The following NECTIN2 variants were observed in gnomAD, a reference collection of about 807,000 sequenced individuals.
NECTIN2 encodes nectin cell adhesion molecule 2.
A neutral mutation model predicts 56.9 loss-of-function variants in NECTIN2; 23 were observed. That is an observed-to-expected ratio of 0.40 (90% CI 0.29 to 0.57). The LOEUF (loss-of-function observed/expected upper bound fraction) is 0.57. Among genes scored for constraint, NECTIN2 ranks in the 20% least tolerant of loss-of-function variants. The pLI, the probability that NECTIN2 is intolerant of heterozygous loss-of-function variation, is 0.38. For synonymous variants in NECTIN2, 302 were observed against 313.8 expected (o/e 0.96, Z 0.40); for missense variants, 587 against 718.3 (o/e 0.82, Z 2.09).
chr19:44,884,320 T>C (rs1342403952), intron 6 of NECTIN2, among the ~76,000 whole-genome samples: 1 of 151,942 alleles, frequency 6.6e-6, no homozygotes, highest in Non-Finnish European at 1.5e-5. Flanking sequence ...CACACCTAGC[T>C]AGTTTTTGTA....
chr19:44,851,362 C>G (rs1968897967), intron 1 of NECTIN2, among the ~76,000 whole-genome samples: 1 of 151,712 alleles, frequency 6.6e-6, no homozygotes, highest in South Asian at 2.1e-4. Context: ...CTCTTCCTCC[C>G]TCAAACCTGG....
rs77847865 is a variant in NECTIN2, at chr19:44,860,750, G to A, written c.89-4521G>A. ...CTCCTGGGTTCAAGTGAACACGTCC[G>A]GCTAATTTTTATATTTTTAGTAGAG... On this transcript the variant is annotated intron_variant, in intron 1 of 8. Coordinates refer to ENST00000252483, the MANE Select transcript of NECTIN2 (RefSeq NM_001042724.2). 6.6e-5 allele frequency among the ~76,000 whole-genome samples: 10 copies of A among 151,438 alleles called. No individual in the cohort carries two copies. In the East Asian group the frequency reaches 1.7e-3, roughly 26 times the overall value.
chr19:44,846,970 C>G lies in NECTIN2; in HGVS notation c.88+357C>G, dbSNP rs186016364. Among the ~76,000 whole-genome samples the G allele has an allele frequency of 2.5e-3, 375 of 152,192 alleles. 2 individuals are homozygous for G. The highest frequency in any genetic ancestry group is 3.7e-3 in the South Asian group (18 of 4,818). ...CCCACCCCGCGCCGAGTAGTTCACC[C>G]GGATCTGGGTCTCTGTCTCCTCTAC... On this transcript the variant is annotated intron_variant, in intron 1 of 8. Coordinates refer to ENST00000252483, the MANE Select transcript of NECTIN2 (RefSeq NM_001042724.2).
At chr19:44,878,258 C>T (rs925186171) in intron 5 of NECTIN2, 10 of 937,594 alleles carry the variant, frequency 1.1e-5, no homozygotes, top group Non-Finnish European at 1.5e-5. Flanking sequence ...TGTGGGCCCG[C>T]TGGTGTGGGG....
rs1380002373 is a variant in NECTIN2 at position 44,865,420 on chromosome 19, C to A, written c.238C>A (p.Gln80Lys). The change falls in exon 2 of 9, where the codon CAG (glutamine) becomes AAG (lysine). Residue 80 changes from glutamine to lysine, a missense_variant. Physicochemically the swap from Gln to Lys is moderately conservative, Grantham distance 53. Transcript: ENST00000252483. This position sits in a 1 kb window ranked among gnomAD's most constrained non-coding sequence, Gnocchi z 5.2. Reference protein sequence around the residue: ...WQRPDAPANHQNVAAFHPKMG... With the variant: ...WQRPDAPANHKNVAAFHPKMG... ...GCGCCCAGATGCACCTGCGAACCACCAGAATGTGGCCGCCTTCCACCCTAA... is the reference window on the plus strand; with the variant it reads ...GCGCCCAGATGCACCTGCGAACCACAAGAATGTGGCCGCCTTCCACCCTAA... The A allele has an allele frequency of 6.2e-7, 1 of 1,614,170 alleles. No individual in the cohort carries two copies. The highest frequency in any genetic ancestry group is 8.5e-7 in the Non-Finnish European group (1 of 1,180,038).
At chr19:44,871,832 C>T (rs369096389) in intron 2 of NECTIN2, 21 bp from the exon 3 acceptor site, 1 of 1,605,728 alleles carries the variant, frequency 6.2e-7, no homozygotes, top group South Asian at 1.1e-5. Context: ...AGTGACGCAC[C>T]CCCTCTCCTC....
At chr19:44,850,862 T>A (rs116459166) in intron 1 of NECTIN2, among the ~76,000 whole-genome samples, 4 of 152,062 alleles carry the variant, frequency 2.6e-5, no homozygotes, top group African/African-American at 9.7e-5. Context: ...ACTCAAAGCC[T>A]CTGGCCTTCA....
chr19:44,849,368 G>T (rs534762895), intron 1 of NECTIN2, among the ~76,000 whole-genome samples: 6 of 152,272 alleles, frequency 3.9e-5, no homozygotes, highest in Admixed American at 6.5e-5. Context: ...AAAGACTCCA[G>T]CTGTGGGACA....
Position 44,872,143 on chromosome 19 carries a change from G to C in NECTIN2, c.769G>C (p.Val257Leu). 1 of 1,612,826 alleles carries C rather than the reference G, an allele frequency of 6.2e-7. No homozygotes were observed. Among genetic ancestry groups the C allele is most frequent in the South Asian group, 1.1e-5 (1 of 91,076 alleles). Residue 257 changes from valine (V) to leucine (L), a missense_variant, in exon 3 of 9, where the codon GTA becomes CTA. Val to Leu is a conservative substitution (Grantham distance 32). Transcript: ENST00000252483. ...EPALIPVTLSVRYPPEVSISG... is the reference protein window; with the variant it reads ...EPALIPVTLSLRYPPEVSISG... ...AGCCCTGATACCTGTGACCCTCTCT[G>C]TACGCTGTGAGTGTATCGGGGGTGA...
In NECTIN2 at chr19:44,865,344, C is replaced by T. The variant is rs199565896; in HGVS notation, c.162C>T (p.Cys54=). The change falls in exon 2 of 9, where the codon TGC becomes TGT. Residue 54 remains cysteine, a synonymous_variant. Transcript: ENST00000252483. This position sits in a 1 kb window ranked among gnomAD's most constrained non-coding sequence, Gnocchi z 5.2. Reference sequence around the variant, plus strand: ...TCGGGGGCACCGTGGAGCTGCCGTGCCACCTGCTGCCACCTGTTCCTGGAC... The same window carrying T: ...TCGGGGGCACCGTGGAGCTGCCGTGTCACCTGCTGCCACCTGTTCCTGGAC... ...GQLGGTVELP[C]HLLPPVPGLY... 4 of 1,614,126 alleles carry T rather than the reference C, an allele frequency of 2.5e-6. No homozygotes were observed. Among genetic ancestry groups the T allele is most frequent in the Admixed American group, 1.7e-5 (1 of 60,016 alleles).
Position 44,888,456 on chromosome 19 carries a change from CCT to C in NECTIN2, c.*80_*81del. ...TTGCCAAGGATCTAGTGCCCCCTGA[CCT>C]CTGGCCAGGCCACTGTCAGTTAACA... On this transcript the variant is annotated 3_prime_UTR_variant, in exon 9 of 9. Coordinates refer to ENST00000252483, the MANE Select transcript of NECTIN2 (RefSeq NM_001042724.2). 6.7e-7 allele frequency: 1 copy of C among 1,485,274 alleles called. No homozygotes were observed. The highest frequency in any genetic ancestry group is 9.1e-7 in the Non-Finnish European group (1 of 1,093,616). 92.0% of individuals were successfully genotyped at this position (1,485,274 alleles called of 1,614,324 possible).
intron 8 of NECTIN2, among the ~76,000 whole-genome samples, chr19:44,886,448 C>T (rs902815363): frequency 3.9e-5 from 6 of 152,112 alleles, no homozygotes; most frequent in Non-Finnish European, 7.4e-5. Flanking sequence ...GGGCTGGGCA[C>T]GGTGGCTCAC....
At chr19:44,877,765 T>C (rs1969256355) in intron 5 of NECTIN2, among the ~76,000 whole-genome samples, 1 of 152,206 alleles carries the variant, frequency 6.6e-6, no homozygotes, top group Non-Finnish European at 1.5e-5. Context: ...ACCAGGGTCC[T>C]GGCCAGTGAC....
chr19:44,859,918 A>T (rs1204319705), intron 1 of NECTIN2, among the ~76,000 whole-genome samples: 5 of 152,202 alleles, frequency 3.3e-5, no homozygotes, highest in African/African-American at 1.2e-4. Context: ...TGATCCCAGC[A>T]GCTTTATTTA....
At position 44,887,207 on chromosome 19, in the gene NECTIN2, G is replaced by A. The variant is rs142722719; in HGVS notation, c.1348-903G>A. 5.9e-5 allele frequency among the ~76,000 whole-genome samples: 9 copies of A among 151,942 alleles called. No homozygotes were observed. The East Asian group carries it at 1.7e-3, about 29-fold the overall frequency. ...TCTACTAAAAACAAAAATAAGCCAGGCATGGGTGACATGCTCCTGTAATCC... is the reference window on the plus strand; with the variant it reads ...TCTACTAAAAACAAAAATAAGCCAGACATGGGTGACATGCTCCTGTAATCC... On this transcript the variant is annotated intron_variant, in intron 8 of 8. Transcript: ENST00000252483.
At chr19:44,855,616 C>T (rs1303636013) in intron 1 of NECTIN2, among the ~76,000 whole-genome samples, 1 of 152,096 alleles carries the variant, frequency 6.6e-6, no homozygotes, top group Non-Finnish European at 1.5e-5. Flanking sequence ...ACCCCTACTC[C>T]GTCTTCCAGG....
rs1042581797 is a variant in NECTIN2, at chr19:44,874,673, G to A, written c.1042+195G>A. The A allele has an allele frequency of 1.6e-5, 10 of 641,000 alleles. No individual in the cohort carries two copies. The highest frequency in any genetic ancestry group is 2.4e-5 in the Non-Finnish European group (9 of 376,004). 39.7% of individuals were successfully genotyped at this position (641,000 alleles called of 1,614,324 possible). A position where few individuals can be genotyped will look rare whatever the true frequency, so the allele number is the denominator to read the frequency against. On this transcript the variant is annotated intron_variant, in intron 5 of 8. Coordinates refer to ENST00000252483, the MANE Select transcript of NECTIN2 (RefSeq NM_001042724.2). The surrounding 1 kb of genome is among the most constrained non-coding windows in gnomAD (Gnocchi z 6.3). The stretch of plus-strand genomic sequence containing the variant: ...CTGGGGTCTGGATTTGGGGTGTCGG[G>A]GTAGGTGAAGGCAGCAGAGTTGGGG...
At chr19:44,853,611 C>T (rs1010854093) in intron 1 of NECTIN2, among the ~76,000 whole-genome samples, 6 of 151,736 alleles carry the variant, frequency 4.0e-5, no homozygotes, top group South Asian at 2.1e-4. Flanking sequence ...GCCTCAGCCT[C>T]CTGAATAGCT....
At chr19:44,848,895 G>C (rs1968868804) in intron 1 of NECTIN2, among the ~76,000 whole-genome samples, 1 of 152,094 alleles carries the variant, frequency 6.6e-6, no homozygotes, top group Non-Finnish European at 1.5e-5. Context: ...TGCACCACCT[G>C]GGCCCCCAGC....
Sources: gnomAD v4.1 joint callset for allele counts (sites outside exome capture counted in the v4.1 genomes callset) on GRCh38, gnomAD v4.1.1 for gene constraint, Gnocchi (gnomAD v3.1) non-coding constraint, MANE v1.5 for transcripts, NCBI Gene and HGNC (gene_info 2026-07-23, HGNC 2026-07-21) for gene names.